PRR36: variants seen among roughly 807,000 people sequenced by gnomAD.
The protein encoded by PRR36 is proline rich 36, also known as proline-rich protein 36.
In PRR36, 30 loss-of-function variants were observed where a neutral mutation model predicts 58.6. The observed-to-expected ratio is 0.51, with a 90% CI of 0.38 to 0.69. The LOEUF (loss-of-function observed/expected upper bound fraction) is 0.69, where lower values mean the gene tolerates loss of function less well. PRR36 is among the 30% of genes least tolerant of loss of function. PRR36 has a pLI of 0.00. For missense variants in PRR36, 1,692 were observed against 1,805.6 expected (o/e 0.94, Z 1.14); for synonymous variants, 771 against 829.3 (o/e 0.93, Z 1.21).
At position 7,868,894 on chromosome 19, in the gene PRR36, C is replaced by T. The variant is rs1251236133; in HGVS notation, c.*139G>A. On this transcript the variant is annotated 3_prime_UTR_variant, in exon 6 of 6. Coordinates refer to ENST00000618550, the MANE Select transcript of PRR36 (RefSeq NM_001190467.2). ...GGTCCCGAGCCTCCGAGGCCAAAGGCTCAGGCTCTAGGGAGCTAAGACTAA... is the reference window on the plus strand; with the variant it reads ...GGTCCCGAGCCTCCGAGGCCAAAGGTTCAGGCTCTAGGGAGCTAAGACTAA... The T allele has an allele frequency of 2.0e-5, 21 of 1,061,414 alleles. No individual in the cohort carries two copies. Among genetic ancestry groups the T allele is most frequent in the Non-Finnish European group, 2.7e-5 (21 of 776,200 alleles). The allele number at this position is 1,061,414 out of a possible 1,614,324, so 65.7% of individuals were successfully genotyped here. A position where few individuals can be genotyped will look rare whatever the true frequency, so the allele number is the denominator to read the frequency against.
intron 5 of PRR36, 68 bp downstream of exon 5, chr19:7,869,647 G>A (rs1980281984): frequency 2.9e-6 from 4 of 1,402,904 alleles, no homozygotes; most frequent in Admixed American, 5.8e-5. Flanking sequence ...CAGCTGTCCC[G>A]CCCCTGAGCT....
chr19:7,870,123 G>A lies in PRR36; in HGVS notation c.3121C>T (p.Leu1041Phe). 1 of 1,476,032 alleles carries A rather than the reference G, an allele frequency of 6.8e-7. No individual in the cohort carries two copies. The highest frequency in any genetic ancestry group is 8.9e-7 in the Non-Finnish European group (1 of 1,120,352). The allele number at this position is 1,476,032 out of a possible 1,614,324, so 91.4% of individuals were successfully genotyped here. ...GGCGTGGCCAAAGGAGACATTGGGA[G>A]TGAGGCAGAGGGTGAGAAAGGGGCC... ...GQAPFSPSAS[L>F]PMSPLATPPP... The change falls in exon 5 of 6, where the codon CTC becomes TTC. Residue 1041 changes from leucine (L) to phenylalanine (F), a missense_variant. By Grantham distance (22) the Leu-to-Phe change is conservative (BLOSUM62 0). This residue lies in a region of PRR36 where 485 missense variants were observed against 549.2 expected (regional missense o/e 0.88). Coordinates refer to ENST00000618550, the MANE Select transcript of PRR36 (RefSeq NM_001190467.2).
At position 7,872,873 on chromosome 19, in the gene PRR36, C is replaced by T; in HGVS notation, c.463G>A (p.Ala155Thr). Residue 155 changes from alanine to threonine, a missense_variant, in exon 4 of 6, where the codon GCC becomes ACC. Ala to Thr is a moderately conservative substitution (Grantham distance 58). This residue lies in a region of PRR36 where 975 missense variants were observed against 955.2 expected (regional missense o/e 1.02). Transcript: ENST00000618550. This position sits in a 1 kb window ranked among gnomAD's most constrained non-coding sequence, Gnocchi z 6.1. ...GKATEAPKRSALSAGARRDTS... is the reference protein window; with the variant it reads ...GKATEAPKRSTLSAGARRDTS... ...CCTCTCCGTGCCCCAGCGCTGAGGG[C>T]ACTCCTTTTGGGAGCCTCTGTAGCT... The T allele has an allele frequency of 6.5e-7, 1 of 1,536,064 alleles. No individual in the cohort carries two copies.
chr19:7,870,793 T>TG lies in PRR36; in HGVS notation c.2450dup (p.Pro818ThrfsTer188), dbSNP rs2145067851. The TG allele has an allele frequency of 7.1e-7, 1 of 1,414,596 alleles. No homozygotes were observed. The highest frequency in any genetic ancestry group is 1.6e-5 in the African/African-American group (1 of 64,324). 87.6% of individuals were successfully genotyped at this position (1,414,596 alleles called of 1,614,324 possible). On this transcript the variant is annotated frameshift_variant, in exon 5 of 6. Transcript: ENST00000618550. LOFTEE classifies it high-confidence loss of function. ...GCAAAGGGGGTGAGGCCAGAGCAGG[T>TG]GGGGCCTGTGGAGGAGGCGTGGCTA...
Position 7,870,138 on chromosome 19 carries a change from A to G in PRR36, c.3106T>C (p.Ser1036Pro). The change falls in exon 5 of 6, where the codon TCA becomes CCA. Residue 1036 changes from serine (S) to proline (P), a missense_variant. Physicochemically the swap from Ser to Pro is moderately conservative, Grantham distance 74. This residue lies in a region of PRR36 where 485 missense variants were observed against 549.2 expected (regional missense o/e 0.88). Transcript: ENST00000618550. ...PASFPGQAPF[S>P]PSASLPMSPL... is the part of the protein sequence containing the mutation. ...GACATTGGGAGTGAGGCAGAGGGTG[A>G]GAAAGGGGCCTGCCCAGGGAATGAG... 1 of 1,423,526 alleles carries G rather than the reference A, an allele frequency of 7.0e-7. No individual in the cohort carries two copies. Among genetic ancestry groups the G allele is most frequent in the South Asian group, 1.4e-5 (1 of 70,772 alleles). 88.2% of individuals were successfully genotyped at this position (1,423,526 alleles called of 1,614,324 possible).
chr19:7,869,778 C>G lies in PRR36; in HGVS notation c.3466G>C (p.Ala1156Pro). The G allele has an allele frequency of 4.4e-6, 6 of 1,358,628 alleles. No individual in the cohort carries two copies. Among genetic ancestry groups the G allele is most frequent in the Non-Finnish European group, 5.6e-6 (6 of 1,062,152 alleles). 84.2% of individuals were successfully genotyped at this position (1,358,628 alleles called of 1,614,324 possible). The change falls in exon 5 of 6, where the codon GCT becomes CCT. Residue 1156 changes from alanine (A) to proline (P), a missense_variant. Coordinates refer to ENST00000618550, the MANE Select transcript of PRR36 (RefSeq NM_001190467.2). ...ASPPPDAELA[A>P]CHPAAWSRGP... ...CGACTCCAGGCAGCCGGGTGGCAAG[C>G]GGCGAGCTCTGCGTCGGGGGGCGGG...
Position 7,872,800 on chromosome 19 carries a change from G to C in PRR36, c.488-44C>G, listed in dbSNP as rs1980527674. The C allele has an allele frequency of 6.5e-7, 1 of 1,528,436 alleles. No individual in the cohort carries two copies. The highest frequency in any genetic ancestry group is 8.7e-7 in the Non-Finnish European group (1 of 1,143,022). 94.7% of individuals were successfully genotyped at this position (1,528,436 alleles called of 1,614,324 possible). ...GCCAAGGGTCACCGATACCTCTGAG[G>C]CGGCTCCCCTTGCTGCCCAGGAACC... On this transcript the variant is annotated intron_variant, in intron 4 of 5. Transcript: ENST00000618550. The surrounding 1 kb of genome is among the most constrained non-coding windows in gnomAD (Gnocchi z 6.1).
At position 7,873,756 on chromosome 19, in the gene PRR36, C is replaced by G; in HGVS notation, c.-7-60G>C. ...GGACAGCTACGCCGCCTCCAGAGAC[C>G]TGGACCCTGCTACCTCACTGCCCTT... On this transcript the variant is annotated intron_variant, in intron 1 of 5. Transcript: ENST00000618550. This position sits in a 1 kb window ranked among gnomAD's most constrained non-coding sequence, Gnocchi z 5.0. 6.8e-7 allele frequency: 1 copy of G among 1,461,778 alleles called. No individual in the cohort carries two copies. The highest frequency in any genetic ancestry group is 9.1e-7 in the Non-Finnish European group (1 of 1,097,152). The allele number at this position is 1,461,778 out of a possible 1,614,324, so 90.6% of individuals were successfully genotyped here. A position where few individuals can be genotyped will look rare whatever the true frequency, so the allele number is the denominator to read the frequency against.
In PRR36 at chr19:7,869,309, G is replaced by A; in HGVS notation, c.3765C>T (p.Ser1255=). The A allele has an allele frequency of 7.0e-7, 1 of 1,435,334 alleles. No individual in the cohort carries two copies. Among genetic ancestry groups the A allele is most frequent in the Non-Finnish European group, 9.1e-7 (1 of 1,103,952 alleles). 88.9% of individuals were successfully genotyped at this position (1,435,334 alleles called of 1,614,324 possible). A position where few individuals can be genotyped will look rare whatever the true frequency, so the allele number is the denominator to read the frequency against. Residue 1255 remains serine, a synonymous_variant, in exon 6 of 6, where the codon AGC becomes AGT. Coordinates refer to ENST00000618550, the MANE Select transcript of PRR36 (RefSeq NM_001190467.2). ...GELPLGALQA[S]VVQHLLSRTL... ...TCCGGCTCAGCAGGTGCTGCACGAC[G>A]CTCGCCTGCAGCGCCCCCAGTGGCA...
chr19:7,868,940 G>C lies in PRR36; in HGVS notation c.*93C>G. 7.4e-7 allele frequency: 1 copy of C among 1,352,056 alleles called. No individual in the cohort carries two copies. Among genetic ancestry groups the C allele is most frequent in the South Asian group, 1.5e-5 (1 of 67,834 alleles). 83.8% of individuals were successfully genotyped at this position (1,352,056 alleles called of 1,614,324 possible). On this transcript the variant is annotated 3_prime_UTR_variant, in exon 6 of 6. Coordinates refer to ENST00000618550, the MANE Select transcript of PRR36 (RefSeq NM_001190467.2). ...ACTAATCCACCCAGCGGGGCTCCAG[G>C]GCAGTGGAGGCGGGGTCTAAAACAA...
chr19:7,873,304 G>A lies in PRR36; in HGVS notation c.272-5C>T. On this transcript the variant is annotated splice_region_variant and splice_polypyrimidine_tract_variant and intron_variant, in intron 2 of 5. Coordinates refer to ENST00000618550, the MANE Select transcript of PRR36 (RefSeq NM_001190467.2). This position sits in a 1 kb window ranked among gnomAD's most constrained non-coding sequence, Gnocchi z 5.0. ...CAGAGGCTGGGGGCCTGGAGGCTGC[G>A]GGGAGAAGGCCGAGTCACAGGTGCC... is the stretch of plus-strand genomic sequence containing the variant. The A allele has an allele frequency of 6.5e-7, 1 of 1,531,272 alleles. No individual in the cohort carries two copies. Among genetic ancestry groups the A allele is most frequent in the Non-Finnish European group, 8.7e-7 (1 of 1,144,518 alleles). The allele number at this position is 1,531,272 out of a possible 1,614,324, so 94.9% of individuals were successfully genotyped here.
In PRR36 at chr19:7,872,168, G is replaced by A. The variant is rs1461673701; in HGVS notation, c.1076C>T (p.Ser359Leu). The A allele has an allele frequency of 1.0e-5, 15 of 1,467,812 alleles. No homozygotes were observed. The highest frequency in any genetic ancestry group is 6.9e-5 in the South Asian group (5 of 72,988). 90.9% of individuals were successfully genotyped at this position (1,467,812 alleles called of 1,614,324 possible). The change falls in exon 5 of 6, where the codon TCG becomes TTG. Residue 359 changes from serine to leucine, a missense_variant. Physicochemically the swap from Ser to Leu is moderately radical, Grantham distance 145. Transcript: ENST00000618550. This position sits in a 1 kb window ranked among gnomAD's most constrained non-coding sequence, Gnocchi z 6.1. ...GGCCAACTGACAGGTAAGGCTCGAC[G>A]AGTGGGGCGTGGCCGGCAGGGTGGG... ...APPTLPATPH[S>L]SSLTCQLATP... is the part of the protein sequence containing the mutation.
rs1157636113 is a variant in PRR36 at position 7,872,753 on chromosome 19, G to C, written c.491C>G (p.Thr164Ser). Reference protein sequence around the residue: ...SALSAGARRDTSGPTPGTPSP... With the variant: ...SALSAGARRDSSGPTPGTPSP... ...CGGGGTTCCTGGGGTAGGCCCGGAA[G>C]TGTCTGGAGAAAAAGTAGAAGGCCA... The change falls in exon 5 of 6, where the codon ACT becomes AGT. Residue 164 changes from threonine to serine, a missense_variant. Transcript: ENST00000618550. This position sits in a 1 kb window ranked among gnomAD's most constrained non-coding sequence, Gnocchi z 6.1. 1.4e-6 allele frequency: 2 copies of C among 1,468,670 alleles called. No individual in the cohort carries two copies. The highest frequency in any genetic ancestry group is 2.7e-5 in the South Asian group (2 of 73,972). The allele number at this position is 1,468,670 out of a possible 1,614,324, so 91.0% of individuals were successfully genotyped here.
rs2145074149 is a variant in PRR36 at position 7,874,030 on chromosome 19, C to T, written c.-8+256G>A. ...CCCTTCAGGGACTCAGACCGCCAGCCTCGAGAGCGGGGGACTGCCACGGGC... is the reference window on the plus strand; with the variant it reads ...CCCTTCAGGGACTCAGACCGCCAGCTTCGAGAGCGGGGGACTGCCACGGGC... On this transcript the variant is annotated intron_variant, in intron 1 of 5. Coordinates refer to ENST00000618550, the MANE Select transcript of PRR36 (RefSeq NM_001190467.2). This position sits in a 1 kb window ranked among gnomAD's most constrained non-coding sequence, Gnocchi z 6.0. 6.6e-6 allele frequency among the ~76,000 whole-genome samples: 1 copy of T among 152,246 alleles called. No homozygotes were observed. Among genetic ancestry groups the T allele is most frequent in the East Asian group, 1.9e-4 (1 of 5,156 alleles).
chr19:7,869,130 G>C lies in PRR36; in HGVS notation c.3944C>G (p.Ser1315Cys). The C allele has an allele frequency of 2.0e-6, 3 of 1,535,404 alleles. No homozygotes were observed. Among genetic ancestry groups the C allele is most frequent in the Non-Finnish European group, 2.6e-6 (3 of 1,146,658 alleles). Residue 1315 changes from serine (S) to cysteine (C), a missense_variant, in exon 6 of 6, where the codon TCC (serine) becomes TGC (cysteine). By Grantham distance (112) the Ser-to-Cys change is moderately radical. This residue lies in a region of PRR36 where 485 missense variants were observed against 549.2 expected (regional missense o/e 0.88). Transcript: ENST00000618550. ...GGTGACCGAGGTGATGCTGGCACGG[G>C]ACTCGTCCAGGGGAGACAGTAGTTC... ...WAELLSPLDE[S>C]RASITSVTSF...
Position 7,872,231 on chromosome 19 carries a change from G to A in PRR36, c.1013C>T (p.Thr338Met), listed in dbSNP as rs952159487. The change falls in exon 5 of 6, where the codon ACG becomes ATG. Residue 338 changes from threonine to methionine, a missense_variant. Thr to Met is a moderately conservative substitution (Grantham distance 81, BLOSUM62 -1). This residue lies in a region of PRR36 where 975 missense variants were observed against 955.2 expected (regional missense o/e 1.02). Transcript: ENST00000618550. The surrounding 1 kb of genome is among the most constrained non-coding windows in gnomAD (Gnocchi z 6.1). ...TTGGAGAGCGGCTGGCGGAGGGGGC[G>A]TTACCGGTGGAGAGGGAGGGAGCGT... ...PATLPPSPPVTPPPPAALQSQ... is the reference protein window; with the variant it reads ...PATLPPSPPVMPPPPAALQSQ... 2.7e-6 allele frequency: 4 copies of A among 1,458,842 alleles called. No individual in the cohort carries two copies. The highest frequency in any genetic ancestry group is 3.6e-6 in the Non-Finnish European group (4 of 1,110,348). 90.4% of individuals were successfully genotyped at this position (1,458,842 alleles called of 1,614,324 possible). A position where few individuals can be genotyped will look rare whatever the true frequency, so the allele number is the denominator to read the frequency against.
Position 7,869,007 on chromosome 19 carries a change from T to A in PRR36, c.*26A>T. ...GGCGGATCCTAAGGCAGGGGTGGGGTGTAGCAGGCGGGGCTGTGGTCTGGC... is the reference window on the plus strand; with the variant it reads ...GGCGGATCCTAAGGCAGGGGTGGGGAGTAGCAGGCGGGGCTGTGGTCTGGC... On this transcript the variant is annotated 3_prime_UTR_variant, in exon 6 of 6. Coordinates refer to ENST00000618550, the MANE Select transcript of PRR36 (RefSeq NM_001190467.2). 6.8e-7 allele frequency: 1 copy of A among 1,480,050 alleles called. No individual in the cohort carries two copies. Among genetic ancestry groups the A allele is most frequent in the Non-Finnish European group, 9.0e-7 (1 of 1,116,644 alleles). 91.7% of individuals were successfully genotyped at this position (1,480,050 alleles called of 1,614,324 possible). A position where few individuals can be genotyped will look rare whatever the true frequency, so the allele number is the denominator to read the frequency against.
Position 7,872,195 on chromosome 19 carries a change from G to A in PRR36, c.1049C>T (p.Pro350Leu), listed in dbSNP as rs1264543686. The A allele has an allele frequency of 1.4e-6, 2 of 1,463,256 alleles. No homozygotes were observed. The highest frequency in any genetic ancestry group is 1.8e-6 in the Non-Finnish European group (2 of 1,110,860). 90.6% of individuals were successfully genotyped at this position (1,463,256 alleles called of 1,614,324 possible). ...GTGGGGCGTGGCCGGCAGGGTGGGCGGGGCCTGACTTTGGAGAGCGGCTGG... is the reference window on the plus strand; with the variant it reads ...GTGGGGCGTGGCCGGCAGGGTGGGCAGGGCCTGACTTTGGAGAGCGGCTGG... Reference protein sequence around the residue: ...PPPAALQSQAPPTLPATPHSS... With the variant: ...PPPAALQSQALPTLPATPHSS... The change falls in exon 5 of 6, where the codon CCG becomes CTG. Residue 350 changes from proline to leucine, a missense_variant. By Grantham distance (98) the Pro-to-Leu change is moderately conservative. Coordinates refer to ENST00000618550, the MANE Select transcript of PRR36 (RefSeq NM_001190467.2). The surrounding 1 kb of genome is among the most constrained non-coding windows in gnomAD (Gnocchi z 6.1).
chr19:7,871,415 G>C lies in PRR36; in HGVS notation c.1829C>G (p.Ser610Cys). 6.5e-7 allele frequency: 1 copy of C among 1,535,884 alleles called. No individual in the cohort carries two copies. The highest frequency in any genetic ancestry group is 1.2e-5 in the South Asian group (1 of 84,066). Residue 610 changes from serine (S) to cysteine (C), a missense_variant, in exon 5 of 6, where the codon TCT becomes TGT. By Grantham distance (112) the Ser-to-Cys change is moderately radical. This residue lies in a region of PRR36 where 975 missense variants were observed against 955.2 expected (regional missense o/e 1.02). Coordinates refer to ENST00000618550, the MANE Select transcript of PRR36 (RefSeq NM_001190467.2). ...QAPPSPLALS[S>C]LQATTSLGSP... Reference sequence around the variant, plus strand: ...GCCCAAAGAAGTTGTGGCCTGCAGAGAGGACAAAGCCAGAGGAGAGGGAGG... The same window carrying C: ...GCCCAAAGAAGTTGTGGCCTGCAGACAGGACAAAGCCAGAGGAGAGGGAGG...
Sources: allele counts gnomAD v4.1 joint callset (sites outside exome capture counted in the v4.1 genomes callset), GRCh38; gene constraint gnomAD v4.1.1; regional missense constraint gnomAD v4.1.1; non-coding constraint Gnocchi (gnomAD v3.1); transcripts MANE v1.5; gene names NCBI Gene and HGNC (gene_info 2026-07-23, HGNC 2026-07-21).